Variants in UBE2QL1 observed in about 807,000 individuals in gnomAD.
UBE2QL1 encodes ubiquitin-conjugating enzyme E2Q-like protein 1.
UBE2QL1 carries 5 observed loss-of-function variants against 12.6 expected under a neutral mutation model. The observed-to-expected ratio is 0.40, with a 90% CI of 0.21 to 0.83. UBE2QL1 has a LOEUF of 0.83. Ranked by LOEUF, UBE2QL1 falls within the 40% of genes least tolerant of loss-of-function variation. UBE2QL1 has a pLI of 0.37. For missense variants in UBE2QL1, 99 were observed against 222.6 expected (o/e 0.44, Z 3.53); for synonymous variants, 96 against 94.5 (o/e 1.02, Z -0.10).
At chr5:6,488,623 C>T (rs1222291589) in intron 1 of UBE2QL1, among the ~76,000 whole-genome samples, 1 of 151,818 alleles carries the variant, frequency 6.6e-6, no homozygotes, top group African/African-American at 2.4e-5. Context: ...AAAACGATAC[C>T]CTGTCTCTAT....
intron 1 of UBE2QL1, among the ~76,000 whole-genome samples, chr5:6,485,105 C>T (rs963729227): frequency 1.3e-5 from 2 of 152,136 alleles, no homozygotes; most frequent in Non-Finnish European, 2.9e-5. Context: ...AATGAACACA[C>T]GTGCACACAT....
At chr5:6,460,470 C>T (rs1055815111) in intron 1 of UBE2QL1, among the ~76,000 whole-genome samples, 11 of 152,148 alleles carry the variant, frequency 7.2e-5, no homozygotes, top group African/African-American at 2.2e-4. Context: ...CGGGTGTTTC[C>T]GTCCATGACT....
chr5:6,489,984 G>A (rs1734538744), intron 1 of UBE2QL1, among the ~76,000 whole-genome samples: 1 of 152,234 alleles, frequency 6.6e-6, no homozygotes. Flanking sequence ...GAAGGTTCCT[G>A]AACAGCAGGC....
At chr5:6,469,084 GCCTC>G (rs921466204) in intron 1 of UBE2QL1, among the ~76,000 whole-genome samples, 1 of 152,176 alleles carries the variant, frequency 6.6e-6, no homozygotes, top group Admixed American at 6.5e-5. Flanking sequence ...CCTGTCTCTT[GCCTC>G]CTTGGAATCT....
chr5:6,467,741 C>T (rs1739827413), intron 1 of UBE2QL1, among the ~76,000 whole-genome samples: 1 of 152,140 alleles, frequency 6.6e-6, no homozygotes, highest in Admixed American at 6.5e-5. Flanking sequence ...GGGTCTCTGC[C>T]CTGCGGGCCC....
At chr5:6,471,698 A>C (rs1218505356) in intron 1 of UBE2QL1, among the ~76,000 whole-genome samples, 1 of 152,238 alleles carries the variant, frequency 6.6e-6, no homozygotes, top group Non-Finnish European at 1.5e-5. Flanking sequence ...TAGGAGGTCA[A>C]ACAGGGAGTG....
chr5:6,454,753 C>T (rs908231554), intron 1 of UBE2QL1, among the ~76,000 whole-genome samples: 8 of 152,208 alleles, frequency 5.3e-5, no homozygotes, highest in South Asian at 2.1e-4. Flanking sequence ...GGGTGGGTAA[C>T]GCCATCTGAT....
In UBE2QL1 at chr5:6,479,960, G is replaced by C. The variant is rs2126363189; in HGVS notation, c.355-11258G>C. 6.6e-6 allele frequency among the ~76,000 whole-genome samples: 1 copy of C among 152,340 alleles called. No individual in the cohort carries two copies. The highest frequency in any genetic ancestry group is 1.5e-5 in the Non-Finnish European group (1 of 68,034). On this transcript the variant is annotated intron_variant, in intron 1 of 1. Coordinates refer to ENST00000399816, the MANE Select transcript of UBE2QL1 (RefSeq NM_001145161.3). The surrounding 1 kb of genome is among the most constrained non-coding windows in gnomAD (Gnocchi z 4.2). ...GGCTTACATAAACCATGTGGCAAATGACAGGATGGCTGGCCAGGAGCTCCC... is the reference window on the plus strand; with the variant it reads ...GGCTTACATAAACCATGTGGCAAATCACAGGATGGCTGGCCAGGAGCTCCC...
Position 6,491,374 on chromosome 5 carries a change from C to A in UBE2QL1, c.*25C>A. The A allele has an allele frequency of 6.5e-7, 1 of 1,536,936 alleles. No individual in the cohort carries two copies. On this transcript the variant is annotated 3_prime_UTR_variant, in exon 2 of 2. Transcript: ENST00000399816. ...ATGTCTGCCACGTGCAGTAGACGCTCGAGCGCCTGTCCACACACACACCAG... is the reference window on the plus strand; with the variant it reads ...ATGTCTGCCACGTGCAGTAGACGCTAGAGCGCCTGTCCACACACACACCAG...
At chr5:6,461,485 C>T (rs77360149) in intron 1 of UBE2QL1, among the ~76,000 whole-genome samples, 4 of 146,650 alleles carry the variant, frequency 2.7e-5, no homozygotes, top group South Asian at 4.3e-4. Context: ...ATGTCCTCAT[C>T]TGAGATGATT....
intron 1 of UBE2QL1, among the ~76,000 whole-genome samples, chr5:6,490,701 A>C (rs1236384002): frequency 6.6e-6 from 1 of 152,266 alleles, no homozygotes; most frequent in East Asian, 1.9e-4. Context: ...TTTAAATATT[A>C]GTAGAAATAT....
chr5:6,480,095 T>A (rs557900418), intron 1 of UBE2QL1, among the ~76,000 whole-genome samples: 1 of 152,342 alleles, frequency 6.6e-6, no homozygotes, highest in East Asian at 1.9e-4. Flanking sequence ...GTTTGTTTGT[T>A]TGAGTGAATG....
rs1237757550 is a variant in UBE2QL1 at position 6,449,261 on chromosome 5, G to A, written c.354+14G>A. The A allele has an allele frequency of 1.5e-6, 2 of 1,371,040 alleles. No individual in the cohort carries two copies. The highest frequency in any genetic ancestry group is 3.4e-5 in the South Asian group (2 of 58,676). 84.9% of individuals were successfully genotyped at this position (1,371,040 alleles called of 1,614,324 possible). Reference sequence around the variant, plus strand: ...GTCAAGGGCCAGGTAAGGCGAGCGCGCCGGGGCTGGGGGCGCGGGGCCGAG... The same window carrying A: ...GTCAAGGGCCAGGTAAGGCGAGCGCACCGGGGCTGGGGGCGCGGGGCCGAG... On this transcript the variant is annotated intron_variant, in intron 1 of 1. Coordinates refer to ENST00000399816, the MANE Select transcript of UBE2QL1 (RefSeq NM_001145161.3).
intron 1 of UBE2QL1, among the ~76,000 whole-genome samples, chr5:6,468,197 C>T (rs533570467): frequency 6.6e-6 from 1 of 152,246 alleles, no homozygotes; most frequent in East Asian, 1.9e-4. Context: ...CCTTCCTTTC[C>T]AGCCACTGCT....
chr5:6,474,584 T>C (rs1734178465), intron 1 of UBE2QL1, among the ~76,000 whole-genome samples: 1 of 152,230 alleles, frequency 6.6e-6, no homozygotes, highest in Non-Finnish European at 1.5e-5. Context: ...TGACATAATG[T>C]GTAAAATACT....
intron 1 of UBE2QL1, among the ~76,000 whole-genome samples, chr5:6,474,850 A>C (rs966379737): frequency 6.6e-6 from 1 of 152,148 alleles, no homozygotes; most frequent in Non-Finnish European, 1.5e-5. Flanking sequence ...TCCAGAACCC[A>C]ACTGGAGTCC....
intron 1 of UBE2QL1, among the ~76,000 whole-genome samples, chr5:6,465,401 A>G (rs974105048): frequency 6.6e-6 from 1 of 152,248 alleles, no homozygotes; most frequent in African/African-American, 2.4e-5. Context: ...ACTTTGTCTT[A>G]ATGGATTGCA....
chr5:6,485,688 A>T (rs960589058), intron 1 of UBE2QL1, among the ~76,000 whole-genome samples: 2 of 152,266 alleles, frequency 1.3e-5, no homozygotes, highest in Non-Finnish European at 2.9e-5. Context: ...CAGGAAACTC[A>T]AAACTTTACG....
chr5:6,477,301 T>C (rs1734252621), intron 1 of UBE2QL1, among the ~76,000 whole-genome samples: 1 of 152,234 alleles, frequency 6.6e-6, no homozygotes, highest in African/African-American at 2.4e-5. Context: ...CAAAGATTCT[T>C]GGTGAATTGC....
Sources: allele counts gnomAD v4.1 joint callset (sites outside exome capture counted in the v4.1 genomes callset), GRCh38; gene constraint gnomAD v4.1.1; non-coding constraint Gnocchi (gnomAD v3.1); transcripts MANE v1.5; gene names NCBI Gene and HGNC (gene_info 2026-07-23, HGNC 2026-07-21).